PCDHGA1: variants seen among roughly 807,000 people sequenced by gnomAD.
PCDHGA1 encodes the protein protocadherin gamma subfamily A, 1.
A neutral mutation model predicts 58.0 loss-of-function variants in PCDHGA1; 32 were observed. The ratio of observed to expected loss-of-function variants is 0.55; its 90% CI spans 0.42 to 0.74. The LOEUF (loss-of-function observed/expected upper bound fraction) is 0.74, where lower values mean the gene tolerates loss of function less well. Among genes scored for constraint, PCDHGA1 ranks in the 30% least tolerant of loss-of-function variants. The pLI is 0.00. For missense variants in PCDHGA1, 1,205 were observed against 1,182.3 expected (o/e 1.02, Z -0.28); for synonymous variants, 498 against 501.1 (o/e 0.99, Z 0.08).
rs367939205 is a variant in PCDHGA1 at position 141,383,529 on chromosome 5, G to A, written c.2421+50424G>A. ...GGGAGGAAGAGCGGGTTCACCACCT[G>A]GTCCTCACAGCCTCTGATGGCGGCG... On this transcript the variant is annotated intron_variant, in intron 1 of 3. Transcript: ENST00000517417. The A allele has an allele frequency of 3.0e-5, 48 of 1,612,474 alleles. No homozygotes were observed. The African/African-American group carries it at 5.7e-4, about 19-fold the overall frequency.
intron 1 of PCDHGA1, chr5:141,407,873 A>G (rs561323423): frequency 2.0e-5 from 7 of 354,686 alleles, no homozygotes; most frequent in African/African-American, 1.3e-4. Context: ...CGAAGAATAT[A>G]TACATTTCGG....
chr5:141,487,109 G>A lies in PCDHGA1; in HGVS notation c.2422-7698G>A. 2 of 1,614,122 alleles carry A rather than the reference G, an allele frequency of 1.2e-6. No homozygotes were observed. Among genetic ancestry groups the A allele is most frequent in the Non-Finnish European group, 1.7e-6 (2 of 1,180,004 alleles). ...CCTCCCACCACAGAAGCTGGTCATTGTGGTAAAGGATAGTGGTAGTCCACC... is the reference window on the plus strand; with the variant it reads ...CCTCCCACCACAGAAGCTGGTCATTATGGTAAAGGATAGTGGTAGTCCACC... On this transcript the variant is annotated intron_variant, in intron 1 of 3. Transcript: ENST00000517417. This position sits in a 1 kb window ranked among gnomAD's most constrained non-coding sequence, Gnocchi z 5.0.
rs371303103 is a variant in PCDHGA1, at chr5:141,333,253, G to A, written c.2421+148G>A. On this transcript the variant is annotated intron_variant, in intron 1 of 3. Coordinates refer to ENST00000517417, the MANE Select transcript of PCDHGA1 (RefSeq NM_018912.3). ...ACAAGTCCTGCAAAATCACGATTGAGTCTACACGTTCATATGCAGGTATAT... is the reference window on the plus strand; with the variant it reads ...ACAAGTCCTGCAAAATCACGATTGAATCTACACGTTCATATGCAGGTATAT... 5.4e-5 allele frequency: 62 copies of A among 1,141,934 alleles called. 1 individual carries two copies. Among genetic ancestry groups the A allele is most frequent in the East Asian group, 5.2e-4 (21 of 40,332 alleles). The allele number at this position is 1,141,934 out of a possible 1,614,324, so 70.7% of individuals were successfully genotyped here. A position where few individuals can be genotyped will look rare whatever the true frequency, so the allele number is the denominator to read the frequency against.
chr5:141,428,361 C>G, intron 1 of PCDHGA1: 2 of 556,764 alleles, frequency 3.6e-6, no homozygotes, highest in Non-Finnish European at 6.6e-6. Context: ...TTTTGGCGGT[C>G]GCCTTGCACC....
intron 1 of PCDHGA1, among the ~76,000 whole-genome samples, chr5:141,456,765 C>A (rs1468235444): frequency 2.0e-5 from 3 of 151,852 alleles, no homozygotes; most frequent in Non-Finnish European, 2.9e-5. Context: ...GAGTTTGAGA[C>A]CAGCCTGGCC....
At chr5:141,397,984 A>G in intron 1 of PCDHGA1, 18 of 1,310,016 alleles carry the variant, frequency 1.4e-5, no homozygotes, top group Non-Finnish European at 1.9e-5. Flanking sequence ...CGGCCTTTAC[A>G]CCGCTTCCTC....
At chr5:141,360,638 A>G in intron 1 of PCDHGA1, 1 of 1,614,016 alleles carries the variant, frequency 6.2e-7, no homozygotes, top group Non-Finnish European at 8.5e-7. Context: ...AACTCACTAC[A>G]AAGATACCAC....
chr5:141,467,897 A>G (rs1403276382), intron 1 of PCDHGA1, among the ~76,000 whole-genome samples: 1 of 152,056 alleles, frequency 6.6e-6, no homozygotes, highest in Non-Finnish European at 1.5e-5. Flanking sequence ...GAGCTCAAGA[A>G]ATCCGCCCAC....
At chr5:141,408,213 G>A in intron 1 of PCDHGA1, 1 of 1,554,970 alleles carries the variant, frequency 6.4e-7, no homozygotes, top group South Asian at 1.2e-5. Flanking sequence ...ATGGGAGGGA[G>A]CTGCGCGCAG....
intron 1 of PCDHGA1, chr5:141,390,342 G>A (rs1484978612): frequency 6.3e-7 from 1 of 1,581,534 alleles, no homozygotes; most frequent in Non-Finnish European, 8.6e-7. Context: ...ATATTCACAA[G>A]AAAATATACA....
chr5:141,463,097 C>A (rs1333118215), intron 1 of PCDHGA1, among the ~76,000 whole-genome samples: 2 of 152,152 alleles, frequency 1.3e-5, no homozygotes, highest in East Asian at 3.8e-4. Context: ...CCCTATGTGA[C>A]CATCAAGAAT....
chr5:141,352,394 C>A (rs370902348), intron 1 of PCDHGA1: 1 of 1,613,932 alleles, frequency 6.2e-7, no homozygotes, highest in African/African-American at 1.3e-5. Context: ...CCTGCGCCTG[C>A]GACGTTCCTC....
chr5:141,511,381 G>A lies in PCDHGA1; in HGVS notation c.*208G>A, dbSNP rs545793377. 97 of 1,170,372 alleles carry A rather than the reference G, an allele frequency of 8.3e-5. No homozygotes were observed. In the East Asian group the frequency reaches 9.2e-4, roughly 11 times the overall value. 72.5% of individuals were successfully genotyped at this position (1,170,372 alleles called of 1,614,324 possible). On this transcript the variant is annotated 3_prime_UTR_variant, in exon 4 of 4. Transcript: ENST00000517417. ...GGGTTGAATATGCAAAAGCAGTTCC[G>A]CTGGGAACCCCCATCCAATCAACTG...
rs757468959 is a variant in PCDHGA1, at chr5:141,395,139, G to A, written c.2421+62034G>A. On this transcript the variant is annotated intron_variant, in intron 1 of 3. Coordinates refer to ENST00000517417, the MANE Select transcript of PCDHGA1 (RefSeq NM_018912.3). ...CCTGATCTTTCCCCAGCCCAACTAC[G>A]CAGACATGCTCATCAGTCAGGAGGG... 10 of 1,614,026 alleles carry A rather than the reference G, an allele frequency of 6.2e-6. No homozygotes were observed. In the East Asian group the frequency reaches 1.3e-4, roughly 22 times the overall value.
In PCDHGA1 at chr5:141,477,868, C is replaced by A; in HGVS notation, c.2422-16939C>A. The A allele has an allele frequency of 6.2e-7, 1 of 1,613,750 alleles. No homozygotes were observed. Among genetic ancestry groups the A allele is most frequent in the Non-Finnish European group, 8.5e-7 (1 of 1,179,908 alleles). ...CGGTGGAGATGCTGCCTCGAGGTAC[C>A]TCAGCTGGCCACCTAGTGTCACGGG... On this transcript the variant is annotated intron_variant, in intron 1 of 3. Coordinates refer to ENST00000517417, the MANE Select transcript of PCDHGA1 (RefSeq NM_018912.3). The surrounding 1 kb of genome is among the most constrained non-coding windows in gnomAD (Gnocchi z 4.9).
At position 141,384,871 on chromosome 5, in the gene PCDHGA1, G is replaced by A. The variant is rs769607351; in HGVS notation, c.2421+51766G>A. On this transcript the variant is annotated intron_variant, in intron 1 of 3. Coordinates refer to ENST00000517417, the MANE Select transcript of PCDHGA1 (RefSeq NM_018912.3). ...CGGTCAGCCTCCTCTGTCAGCCACC[G>A]TCACACTCACCGTGGCTGTGGCTGA... is the stretch of plus-strand genomic sequence containing the variant. 9 of 1,613,648 alleles carry A rather than the reference G, an allele frequency of 5.6e-6. No individual in the cohort carries two copies. Among genetic ancestry groups the A allele is most frequent in the South Asian group, 1.1e-5 (1 of 91,092 alleles).
chr5:141,500,461 G>A (rs1343646600), intron 2 of PCDHGA1, among the ~76,000 whole-genome samples: 1 of 151,910 alleles, frequency 6.6e-6, no homozygotes, highest in Non-Finnish European at 1.5e-5. Flanking sequence ...CGCCCGCCTC[G>A]GCCTCCCAAA....
At chr5:141,357,706 T>C in intron 1 of PCDHGA1, 1 of 1,481,654 alleles carries the variant, frequency 6.7e-7, no homozygotes, top group South Asian at 1.3e-5. Flanking sequence ...ATGTAATATA[T>C]CAAATAAAGT....
chr5:141,422,150 T>C (rs773805631), intron 1 of PCDHGA1: 23 of 1,577,056 alleles, frequency 1.5e-5, no homozygotes, highest in Non-Finnish European at 1.8e-5. Context: ...CGGGGGTCTC[T>C]GGATTTTGAA....
Sources: allele counts gnomAD v4.1 joint callset (sites outside exome capture counted in the v4.1 genomes callset), GRCh38; gene constraint gnomAD v4.1.1; non-coding constraint Gnocchi (gnomAD v3.1); transcripts MANE v1.5; gene names NCBI Gene and HGNC (gene_info 2026-07-23, HGNC 2026-07-21).